TRIP12: variants seen among roughly 807,000 people sequenced by gnomAD.
TRIP12 encodes the protein thyroid hormone receptor interactor 12.
A neutral mutation model predicts 244.2 loss-of-function variants in TRIP12; 25 were observed. That is an observed-to-expected ratio of 0.10 (90% CI 0.07 to 0.14). The LOEUF (loss-of-function observed/expected upper bound fraction) is 0.14, where lower values mean the gene tolerates loss of function less well. Ranked by LOEUF, TRIP12 falls within the 10% of genes least tolerant of loss-of-function variation. The pLI, the probability that TRIP12 is intolerant of heterozygous loss-of-function variation, is 1.00. For synonymous variants in TRIP12, 905 were observed against 873.1 expected (o/e 1.04, Z -0.64); for missense variants, 1,677 against 2,486.4 (o/e 0.67, Z 6.92).
intron 2 of TRIP12, among the ~76,000 whole-genome samples, chr2:229,874,564 A>C (rs542801259): frequency 6.6e-6 from 1 of 152,298 alleles, no homozygotes; most frequent in South Asian, 2.1e-4. Context: ...AGCCACTTTA[A>C]ATTACCTCAT....
intron 6 of TRIP12, among the ~76,000 whole-genome samples, chr2:229,834,064 G>C (rs112618915): frequency 2.3e-3 from 357 of 152,316 alleles, no homozygotes; most frequent in African/African-American, 8.4e-3. Flanking sequence ...ATAAAAATGT[G>C]ACTATCAGTA....
At chr2:229,785,997 G>T in intron 33 of TRIP12, 142 bp from the exon 34 acceptor site, 1 of 622,028 alleles carries the variant, frequency 1.6e-6, no homozygotes, top group Non-Finnish European at 2.5e-6. Context: ...ACTCAGAAAA[G>T]GTTAAGAGGT....
At chr2:229,794,143 C>T (rs978674532) in intron 26 of TRIP12, among the ~76,000 whole-genome samples, 1 of 152,192 alleles carries the variant, frequency 6.6e-6, no homozygotes, top group Non-Finnish European at 1.5e-5. Flanking sequence ...CTGAATACCA[C>T]ACACTACATT....
At chr2:229,770,253 T>C (rs1198303241) in intron 39 of TRIP12, among the ~76,000 whole-genome samples, 2 of 152,198 alleles carry the variant, frequency 1.3e-5, no homozygotes, top group Non-Finnish European at 2.9e-5. Flanking sequence ...ATAGGCTAAG[T>C]CACTGTGCCC....
At chr2:229,793,997 T>A (rs943711734) in intron 26 of TRIP12, among the ~76,000 whole-genome samples, 2 of 152,160 alleles carry the variant, frequency 1.3e-5, no homozygotes, top group Non-Finnish European at 2.9e-5. Flanking sequence ...TGGAGAATAT[T>A]CCATTTTATG....
At position 229,897,395 on chromosome 2, in the gene TRIP12, C is replaced by T. The variant is rs146932594; in HGVS notation, c.-49-17267G>A. Among the ~76,000 whole-genome samples, 8 of 152,306 alleles carry T rather than the reference C, an allele frequency of 5.3e-5. No individual in the cohort carries two copies. In the East Asian group the frequency reaches 1.5e-3, roughly 29 times the overall value. ...AGGTGCAGTGGCTCACGCCTGTAAT[C>T]CCAGCACTTTGGGAGGCCAAGGTGG... On this transcript the variant is annotated intron_variant, in intron 1 of 41. Coordinates refer to ENST00000675903, the MANE Select transcript of TRIP12 (RefSeq NM_001348323.3).
chr2:229,808,524 T>C (rs1036749544), intron 15 of TRIP12, among the ~76,000 whole-genome samples, 155 bp from the exon 16 acceptor site: 4 of 152,198 alleles, frequency 2.6e-5, no homozygotes, highest in African/African-American at 4.8e-5. Context: ...AAAAGTGCTG[T>C]AATAAAGGCC....
At chr2:229,805,699 A>G in intron 18 of TRIP12, 31 bp downstream of exon 18, 2 of 1,535,056 alleles carry the variant, frequency 1.3e-6, no homozygotes, top group Non-Finnish European at 1.8e-6. Flanking sequence ...GCACAATAGT[A>G]TAGTGCTATT....
intron 1 of TRIP12, among the ~76,000 whole-genome samples, chr2:229,912,727 T>C (rs1380425192): frequency 2.0e-5 from 3 of 152,232 alleles, no homozygotes; most frequent in Non-Finnish European, 4.4e-5. Context: ...TTGTGTGCTG[T>C]AGTCGTAAGT....
rs2052620930 is a variant in TRIP12, at chr2:229,829,181, AT to A, written c.1450+11del. On this transcript the variant is annotated intron_variant, in intron 8 of 41. Coordinates refer to ENST00000675903, the MANE Select transcript of TRIP12 (RefSeq NM_001348323.3). ...TATTGAGGGATTTCAGGGAAGGAAC[AT>A]TTTTACTTACTAGCTCCACTTCCAA... 1.2e-6 allele frequency: 2 copies of A among 1,612,706 alleles called. No homozygotes were observed. Among genetic ancestry groups the A allele is most frequent in the Admixed American group, 1.7e-5 (1 of 59,886 alleles).
intron 4 of TRIP12, among the ~76,000 whole-genome samples, chr2:229,848,334 CA>C (rs35694982): frequency 5.3e-4 from 74 of 139,536 alleles, no homozygotes; most frequent in Non-Finnish European, 8.9e-4. Context: ...CCGCCCCCCC[CA>C]CACACACAAA....
At chr2:229,827,938 C>A (rs2052188701) in intron 8 of TRIP12, among the ~76,000 whole-genome samples, 1 of 152,124 alleles carries the variant, frequency 6.6e-6, no homozygotes, top group Non-Finnish European at 1.5e-5. Flanking sequence ...AAAGACTGGA[C>A]TCCCCTGGCT....
intron 1 of TRIP12, among the ~76,000 whole-genome samples, chr2:229,896,189 T>A (rs779582978): frequency 2.0e-5 from 3 of 152,090 alleles, no homozygotes; most frequent in African/African-American, 4.8e-5. Flanking sequence ...TTCAAAAAAA[T>A]TTATTCAAAT....
chr2:229,770,980 C>T (rs971277361), intron 39 of TRIP12, among the ~76,000 whole-genome samples: 2 of 152,168 alleles, frequency 1.3e-5, no homozygotes, highest in Non-Finnish European at 2.9e-5. Context: ...TCTTTATCAG[C>T]AGCATGAAAA....
chr2:229,873,558 G>A (rs2063061769), intron 2 of TRIP12, among the ~76,000 whole-genome samples: 1 of 152,172 alleles, frequency 6.6e-6, no homozygotes, highest in African/African-American at 2.4e-5. Flanking sequence ...TGTACACACA[G>A]TGTGATCTGC....
At chr2:229,787,439 C>A in intron 33 of TRIP12, 66 bp downstream of exon 33, 1 of 1,527,194 alleles carries the variant, frequency 6.5e-7, no homozygotes, top group Non-Finnish European at 8.9e-7. Context: ...AGATATACTA[C>A]ATTTCTAGTT....
At chr2:229,865,915 A>C (rs1432882448) in intron 2 of TRIP12, among the ~76,000 whole-genome samples, 6 of 152,146 alleles carry the variant, frequency 3.9e-5, no homozygotes, top group Non-Finnish European at 8.8e-5. Flanking sequence ...CACTAGCCCA[A>C]ATGATTCTAT....
At chr2:229,890,161 C>A (rs1165160922) in intron 1 of TRIP12, among the ~76,000 whole-genome samples, 1 of 150,840 alleles carries the variant, frequency 6.6e-6, no homozygotes, top group Non-Finnish European at 1.5e-5. Context: ...CTCACTGCAA[C>A]CTCCGCCTCC....
chr2:229,880,210 A>T (rs1290191334), intron 1 of TRIP12, 82 bp from the exon 2 acceptor site: 52 of 856,824 alleles, frequency 6.1e-5, no homozygotes, highest in Non-Finnish European at 4.5e-5. Context: ...TTACGGTGAC[A>T]TGGAAATTTT....
Sources: allele counts gnomAD v4.1 joint callset (sites outside exome capture counted in the v4.1 genomes callset), GRCh38; gene constraint gnomAD v4.1.1; transcripts MANE v1.5; gene names NCBI Gene and HGNC (gene_info 2026-07-23, HGNC 2026-07-21).